Variants in CTNND2 observed in about 807,000 individuals in gnomAD.
The protein encoded by CTNND2 is catenin delta 2.
CTNND2 carries 22 observed loss-of-function variants against 144.4 expected under a neutral mutation model. That is an observed-to-expected ratio of 0.15 (90% CI 0.11 to 0.22). The LOEUF (loss-of-function observed/expected upper bound fraction) is 0.22. Among genes scored for constraint, CTNND2 ranks in the 10% least tolerant of loss-of-function variants. CTNND2 has a pLI of 1.00. For synonymous variants in CTNND2, 751 were observed against 695.6 expected (o/e 1.08, Z -1.25); for missense variants, 1,353 against 1,618.8 (o/e 0.84, Z 2.82).
chr5:11,645,754 A>C (rs1251600444), intron 2 of CTNND2, among the ~76,000 whole-genome samples: 3 of 152,168 alleles, frequency 2.0e-5, no homozygotes, highest in Non-Finnish European at 4.4e-5. Flanking sequence ...CTAAGTTTAC[A>C]TCCTTATCAT....
chr5:11,450,533 G>A (rs939613014), intron 3 of CTNND2, among the ~76,000 whole-genome samples: 38 of 152,180 alleles, frequency 2.5e-4, no homozygotes, highest in African/African-American at 8.7e-4. Context: ...TGCACAGCAC[G>A]CTTCTTTGCA....
intron 9 of CTNND2, among the ~76,000 whole-genome samples, chr5:11,276,393 C>T (rs185715971): frequency 6.6e-6 from 1 of 152,318 alleles, no homozygotes; most frequent in Admixed American, 6.5e-5. Flanking sequence ...CTTCTGAAAA[C>T]CCAACTCTCC....
rs775032666 is a variant in CTNND2 at position 11,346,421 on chromosome 5, C to A, written c.1579G>T (p.Gly527Cys). 1 of 1,536,796 alleles carries A rather than the reference C, an allele frequency of 6.5e-7. No individual in the cohort carries two copies. The highest frequency in any genetic ancestry group is 2.0e-5 in the Admixed American group (1 of 50,256). ...SKSGPALPPE[G>C]TLARSPSIDS... The stretch of plus-strand genomic sequence containing the variant: ...ATGGACGGGGACCTGGCCAAGGTGC[C>A]TTCAGGCGGGAGAGCAGGGCCGGAT... The change falls in exon 9 of 22, where the codon GGC (glycine) becomes TGC (cysteine). Residue 527 changes from glycine to cysteine, a missense_variant. By Grantham distance (159) the Gly-to-Cys change is radical. This residue lies in a region of CTNND2 where 708 missense variants were observed against 706.4 expected (regional missense o/e 1.00). Transcript: ENST00000304623.
rs116223970 is a variant in CTNND2, at chr5:11,074,521, C to T, written c.2788+8175G>A. Among the ~76,000 whole-genome samples, 321 of 152,278 alleles carry T rather than the reference C, an allele frequency of 2.1e-3. 2 individuals are homozygous for T. The highest frequency in any genetic ancestry group is 7.4e-3 in the African/African-American group (307 of 41,544). On this transcript the variant is annotated intron_variant, in intron 16 of 21. Coordinates refer to ENST00000304623, the MANE Select transcript of CTNND2 (RefSeq NM_001332.4). ...ATCTGTTCATTCCCCAGTTCATGCT[C>T]TCATCATTGAGGGTTTGGTTAAAAA...
chr5:11,592,235 C>T (rs1022190977), intron 2 of CTNND2, among the ~76,000 whole-genome samples: 2 of 118,408 alleles, frequency 1.7e-5, no homozygotes, highest in East Asian at 5.0e-4. Context: ...TTCCTGCCTG[C>T]CTGCCTTCCT....
intron 1 of CTNND2, among the ~76,000 whole-genome samples, chr5:11,854,812 C>T (rs1031200598): frequency 3.3e-5 from 5 of 152,204 alleles, no homozygotes; most frequent in Non-Finnish European, 1.5e-5. Context: ...AGACTCAGTT[C>T]TTTACCTGTA....
intron 3 of CTNND2, among the ~76,000 whole-genome samples, chr5:11,509,522 G>A (rs774220890): frequency 1.8e-4 from 28 of 152,046 alleles, no homozygotes; most frequent in African/African-American, 4.8e-5. Context: ...GTTAAAGAGC[G>A]GATCACATAA....
At chr5:11,742,544 A>C (rs1402132328) in intron 1 of CTNND2, among the ~76,000 whole-genome samples, 1 of 152,070 alleles carries the variant, frequency 6.6e-6, no homozygotes, top group Non-Finnish European at 1.5e-5. Context: ...GTTCTAAAAA[A>C]CAAATGTTGG....
intron 1 of CTNND2, among the ~76,000 whole-genome samples, chr5:11,758,008 T>C (rs930211134): frequency 7.9e-5 from 12 of 152,046 alleles, no homozygotes; most frequent in Non-Finnish European, 1.5e-4. Flanking sequence ...CATGTATTAT[T>C]TTGATTAGAC....
At chr5:11,651,251 G>T (rs1782634551) in intron 2 of CTNND2, among the ~76,000 whole-genome samples, 1 of 152,232 alleles carries the variant, frequency 6.6e-6, no homozygotes. Context: ...TGCTGCTCCA[G>T]AGGTTGCAAA....
chr5:11,135,695 C>T lies in CTNND2; in HGVS notation c.2160-18128G>A, dbSNP rs555334780. 1.8e-4 allele frequency among the ~76,000 whole-genome samples: 28 copies of T among 152,292 alleles called. 1 individual carries two copies. Among genetic ancestry groups the T allele is most frequent in the African/African-American group, 5.1e-4 (21 of 41,552 alleles). ...TTCCAACTCCAAAGAAAATTAGGATCGCTGAAGTCTCTGAGTAGTGGTTTC... is the reference window on the plus strand; with the variant it reads ...TTCCAACTCCAAAGAAAATTAGGATTGCTGAAGTCTCTGAGTAGTGGTTTC... On this transcript the variant is annotated intron_variant, in intron 12 of 21. Coordinates refer to ENST00000304623, the MANE Select transcript of CTNND2 (RefSeq NM_001332.4).
chr5:11,449,416 T>C (rs2149909241), intron 3 of CTNND2, among the ~76,000 whole-genome samples: 1 of 152,310 alleles, frequency 6.6e-6, no homozygotes, highest in Middle Eastern at 3.4e-3. Context: ...AACCACATTG[T>C]TATTGGCTGC....
chr5:11,237,270 C>T (rs763454515), intron 9 of CTNND2, among the ~76,000 whole-genome samples: 33 of 152,240 alleles, frequency 2.2e-4, no homozygotes, highest in Admixed American at 1.2e-3. Flanking sequence ...CCGCCCACCT[C>T]GGCCTCCCAA....
At chr5:11,579,379 G>A (rs540335847) in intron 2 of CTNND2, among the ~76,000 whole-genome samples, 5 of 152,096 alleles carry the variant, frequency 3.3e-5, no homozygotes, top group South Asian at 2.1e-4. Flanking sequence ...TCCAATGTGC[G>A]GAAGTGTCTT....
chr5:11,299,974 G>A (rs1347525941), intron 9 of CTNND2, among the ~76,000 whole-genome samples: 1 of 152,188 alleles, frequency 6.6e-6, no homozygotes, highest in Non-Finnish European at 1.5e-5. Flanking sequence ...AAACATACAT[G>A]TGAATACATT....
At chr5:11,812,700 C>G (rs75391633) in intron 1 of CTNND2, among the ~76,000 whole-genome samples, 1,653 of 152,264 alleles carry the variant, frequency 0.011, 17 homozygotes, top group Non-Finnish European at 0.017. Context: ...GTTCCTTTCT[C>G]CAAACAATAT....
chr5:11,716,457 T>G (rs1412140409), intron 2 of CTNND2, among the ~76,000 whole-genome samples: 1 of 152,182 alleles, frequency 6.6e-6, no homozygotes, highest in Non-Finnish European at 1.5e-5. Context: ...GGTTAAACTC[T>G]TTTAAAATTA....
At chr5:11,886,494 A>G (rs1359818377) in intron 1 of CTNND2, among the ~76,000 whole-genome samples, 1 of 152,232 alleles carries the variant, frequency 6.6e-6, no homozygotes, top group African/African-American at 2.4e-5. Context: ...AACCATGAAG[A>G]AATCAAGTTC....
chr5:11,279,932 A>G (rs1318668464), intron 9 of CTNND2, among the ~76,000 whole-genome samples: 1 of 152,184 alleles, frequency 6.6e-6, no homozygotes, highest in Non-Finnish European at 1.5e-5. Context: ...ACCATTCATG[A>G]GAAATTTACC....
Sources: gnomAD v4.1 joint callset for allele counts (sites outside exome capture counted in the v4.1 genomes callset) on GRCh38, gnomAD v4.1.1 for gene constraint, gnomAD v4.1.1 regional missense constraint, MANE v1.5 for transcripts, NCBI Gene and HGNC (gene_info 2026-07-23, HGNC 2026-07-21) for gene names.